Variants in BDP1 observed in about 807,000 individuals in gnomAD.
BDP1 encodes the protein transcription factor TFIIIB component B'' homolog.
In BDP1, 169 loss-of-function variants were observed where a neutral mutation model predicts 266.6. The ratio of observed to expected loss-of-function variants is 0.63; its 90% confidence interval spans 0.56 to 0.72. The LOEUF (loss-of-function observed/expected upper bound fraction) is 0.72, where lower values mean the gene tolerates loss of function less well. BDP1 is among the 30% of genes least tolerant of loss of function. The pLI, the probability that BDP1 is intolerant of heterozygous loss-of-function variation, is 0.00. For synonymous variants in BDP1, 1,090 were observed against 1,022.4 expected, an observed-to-expected ratio of 1.07 and a Z score of -1.26; for missense variants, 3,015 against 3,053.8, an observed-to-expected ratio of 0.99 and a Z score of 0.30.
At chr5:71,546,236 G>C (rs1279660472) in intron 32 of BDP1, among the ~76,000 whole-genome samples, 1 of 152,002 alleles carries the variant, frequency 6.6e-6, no homozygotes, top group East Asian at 1.9e-4. Flanking sequence ...ATCTTACAAA[G>C]AATTATCCCA....
intron 1 of BDP1, among the ~76,000 whole-genome samples, chr5:71,456,780 G>A (rs1342910442): frequency 3.3e-5 from 5 of 152,106 alleles, no homozygotes; most frequent in Non-Finnish European, 2.9e-5. Context: ...ATAGTTGCCC[G>A]CAAAAAGTTA....
In BDP1 at chr5:71,510,710, A is replaced by G; in HGVS notation, c.3618A>G (p.Glu1206=). The change falls in exon 17 of 39, where the codon GAA becomes GAG. Residue 1206 remains glutamate, a synonymous_variant. Transcript: ENST00000358731. ...CAGATTTGGAAGAAACTGAAAGAGA[A>G]ATATCGCCACAGGAAAATGGCCCAG... The part of the protein sequence containing the change: ...IETDLEETER[E]ISPQENGPEE... 6.2e-7 allele frequency: 1 copy of G among 1,613,980 alleles called. No individual in the cohort carries two copies. The highest frequency in any genetic ancestry group is 1.3e-5 in the African/African-American group (1 of 75,054).
At chr5:71,473,982 T>C (rs763294086) in intron 7 of BDP1, among the ~76,000 whole-genome samples, 1 of 152,106 alleles carries the variant, frequency 6.6e-6, no homozygotes, top group Non-Finnish European at 1.5e-5. Context: ...TTTAAAGCTA[T>C]ACATTTCGTT....
chr5:71,517,333 A>C lies in BDP1; in HGVS notation c.4872A>C (p.Gln1624His). 2 of 1,598,874 alleles carry C rather than the reference A, an allele frequency of 1.3e-6. No homozygotes were observed. Among genetic ancestry groups the C allele is most frequent in the Non-Finnish European group, 1.7e-6 (2 of 1,175,734 alleles). Reference sequence around the variant, plus strand: ...TTTTGTCTTTTCAGTCAAATTCTCAAATTGAAACTGAAATTGAAGTTCCAT... The same window carrying C: ...TTTTGTCTTTTCAGTCAAATTCTCACATTGAAACTGAAATTGAAGTTCCAT... The part of the protein sequence containing the change: ...EKKVLTVSNS[Q>H]IETEIEVPSS... Residue 1624 changes from glutamine to histidine, a missense_variant, in exon 22 of 39, where the codon CAA (glutamine) becomes CAC (histidine). Physicochemically the swap from Gln to His is conservative, Grantham distance 24. Transcript: ENST00000358731.
At chr5:71,538,295 C>A (rs1766757871) in intron 26 of BDP1, among the ~76,000 whole-genome samples, 2 of 152,026 alleles carry the variant, frequency 1.3e-5, no homozygotes, top group African/African-American at 2.4e-5. Context: ...GAGATGAAGT[C>A]CTACTCCCCT....
chr5:71,497,495 T>A (rs1763968712), intron 13 of BDP1, 69 bp downstream of exon 13: 1 of 1,250,418 alleles, frequency 8.0e-7, no homozygotes, highest in Non-Finnish European at 1.1e-6. Flanking sequence ...GGAATAAAAG[T>A]TGTTGACTTG....
intron 26 of BDP1, among the ~76,000 whole-genome samples, chr5:71,538,580 C>T (rs1766776081): frequency 6.6e-6 from 1 of 152,202 alleles, no homozygotes; most frequent in Non-Finnish European, 1.5e-5. Context: ...GTCAGTGAAG[C>T]TTCTCAAGCT....
rs1303768595 is a variant in BDP1, at chr5:71,466,180, A to G, written c.744A>G (p.Val248=). The change falls in exon 5 of 39, where the codon GTA becomes GTG. Residue 248 remains valine (V), a synonymous_variant. Coordinates refer to ENST00000358731, the MANE Select transcript of BDP1 (RefSeq NM_018429.3). ...TDDGPLLVPR[V]KVAEDGSIIL... is the part of the protein sequence containing the mutation. ...ATGGGCCATTACTGGTTCCTCGAGTAAAAGTGGCAGAAGATGGTTCCATTA... is the reference window on the plus strand; with the variant it reads ...ATGGGCCATTACTGGTTCCTCGAGTGAAAGTGGCAGAAGATGGTTCCATTA... 1 of 1,614,052 alleles carries G rather than the reference A, an allele frequency of 6.2e-7. No homozygotes were observed. The highest frequency in any genetic ancestry group is 2.2e-5 in the East Asian group (1 of 44,840).
At chr5:71,456,187 T>C (rs2150336043) in intron 1 of BDP1, 98 bp downstream of exon 1, 9 of 1,171,914 alleles carry the variant, frequency 7.7e-6, no homozygotes, top group Non-Finnish European at 1.1e-5. Flanking sequence ...GAGTCCGCTC[T>C]CGTTTGCAGT....
chr5:71,560,104 T>C lies in BDP1; in HGVS notation c.7363T>C (p.Cys2455Arg). The C allele has an allele frequency of 6.2e-7, 1 of 1,614,158 alleles. No homozygotes were observed. Among genetic ancestry groups the C allele is most frequent in the Non-Finnish European group, 8.5e-7 (1 of 1,180,020 alleles). ...TAGAGGATCTAGATCTCCTGATGCA[T>C]GCATGGACAAGAATGTGCCTCAGTT... ...QSRGSRSPDA[C>R]MDKNVPQLPQ... is the part of the protein sequence containing the mutation. Residue 2455 changes from cysteine (C) to arginine (R), a missense_variant, in exon 37 of 39, where the codon TGC (cysteine) becomes CGC (arginine). Coordinates refer to ENST00000358731, the MANE Select transcript of BDP1 (RefSeq NM_018429.3).
intron 7 of BDP1, among the ~76,000 whole-genome samples, chr5:71,472,330 G>A (rs887738827): frequency 4.6e-5 from 7 of 152,104 alleles, no homozygotes; most frequent in Admixed American, 2.0e-4. Flanking sequence ...ACGTGGTGGC[G>A]CATGCCTGTA....
At chr5:71,550,807 G>C (rs888481171) in intron 34 of BDP1, among the ~76,000 whole-genome samples, 1 of 152,188 alleles carries the variant, frequency 6.6e-6, no homozygotes, top group African/African-American at 2.4e-5. Flanking sequence ...CCGGGTTCAA[G>C]TGATTCTCGT....
chr5:71,465,068 A>C (rs1258287783), intron 4 of BDP1, among the ~76,000 whole-genome samples: 1 of 151,696 alleles, frequency 6.6e-6, no homozygotes, highest in South Asian at 2.1e-4. Context: ...AGGTTTCACT[A>C]TGTCGCCCAG....
chr5:71,510,947 T>C lies in BDP1; in HGVS notation c.3855T>C (p.Thr1285=), dbSNP rs368702289. Residue 1285 remains threonine (T), a synonymous_variant, in exon 17 of 39, where the codon ACT becomes ACC. Coordinates refer to ENST00000358731, the MANE Select transcript of BDP1 (RefSeq NM_018429.3). Reference sequence around the variant, plus strand: ...AAATGGAGGCAGATTTGAAAGAAACTGGAAAAGAAAATTTTAGAGAGAGAG... The same window carrying C: ...AAATGGAGGCAGATTTGAAAGAAACCGGAAAAGAAAATTTTAGAGAGAGAG... ...VEEMEADLKE[T]GKENFRERGS... 167 of 1,613,984 alleles carry C rather than the reference T, an allele frequency of 1.0e-4. No homozygotes were observed. Among genetic ancestry groups the C allele is most frequent in the Non-Finnish European group, 1.3e-4 (159 of 1,180,036 alleles).
chr5:71,504,994 T>A (rs764506476), intron 16 of BDP1, among the ~76,000 whole-genome samples: 1 of 152,146 alleles, frequency 6.6e-6, no homozygotes, highest in Non-Finnish European at 1.5e-5. Flanking sequence ...TGAATAGCCT[T>A]ATCACTTTAT....
intron 26 of BDP1, among the ~76,000 whole-genome samples, chr5:71,536,085 A>C (rs1766580401): frequency 6.6e-6 from 1 of 152,176 alleles, no homozygotes; most frequent in Non-Finnish European, 1.5e-5. Context: ...TTCAAAGTTT[A>C]ATAGAAGCGA....
chr5:71,486,237 A>G (rs1197231501), intron 8 of BDP1, among the ~76,000 whole-genome samples: 1 of 152,178 alleles, frequency 6.6e-6, no homozygotes, highest in Non-Finnish European at 1.5e-5. Flanking sequence ...CAAATTTGTA[A>G]TAAATTATTA....
At position 71,533,468 on chromosome 5, in the gene BDP1, AT is replaced by A. The variant is rs35347206; in HGVS notation, c.5892+1058del. On this transcript the variant is annotated intron_variant, in intron 26 of 38. Transcript: ENST00000358731. ...TTTCACTTTTTTTTTTGTTCGGTGG[AT>A]TTTTTTTTTTTTTTTTGAGACGGCC... Among the ~76,000 whole-genome samples the A allele has an allele frequency of 7.9e-3, 985 of 124,730 alleles. 13 individuals carry two copies. The highest frequency in any genetic ancestry group is 0.025 in the African/African-American group (828 of 33,336). The allele number at this position is 124,730 out of a possible 152,430, so 81.8% of individuals were successfully genotyped here.
intron 24 of BDP1, among the ~76,000 whole-genome samples, chr5:71,523,619 T>C (rs1175538573): frequency 6.6e-6 from 1 of 152,204 alleles, no homozygotes; most frequent in Non-Finnish European, 1.5e-5. Context: ...CAGCCGGTTC[T>C]GTGTCTTTTA....
Sources: allele counts gnomAD v4.1 joint callset (sites outside exome capture counted in the v4.1 genomes callset), GRCh38; gene constraint gnomAD v4.1.1; transcripts MANE v1.5; gene names NCBI Gene and HGNC (gene_info 2026-07-23, HGNC 2026-07-21).